CAGE1: variants seen among roughly 807,000 people sequenced by gnomAD.
CAGE1 encodes the protein cancer antigen 1.
A neutral mutation model predicts 94.9 loss-of-function variants in CAGE1; 66 were observed. That is an observed-to-expected ratio of 0.70 (90% CI 0.57 to 0.85). The LOEUF is 0.85. Among genes scored for constraint, CAGE1 ranks in the 40% least tolerant of loss-of-function variants. The pLI, the probability that CAGE1 is intolerant of heterozygous loss-of-function variation, is 0.00. For missense variants in CAGE1, 865 were observed against 950.4 expected (o/e 0.91, Z 1.18); for synonymous variants, 319 against 321.0 (o/e 0.99, Z 0.07).
rs372276847 is a variant in CAGE1, at chr6:7,386,996, T to G, written c.178A>C (p.Thr60Pro). 3 of 1,551,480 alleles carry G rather than the reference T, an allele frequency of 1.9e-6. No individual in the cohort carries two copies. In the African/African-American group the frequency reaches 4.1e-5, roughly 21 times the overall value. The change falls in exon 2 of 14, where the codon ACT becomes CCT. Residue 60 changes from threonine (T) to proline (P), a missense_variant. Coordinates refer to ENST00000502583, the MANE Select transcript of CAGE1 (RefSeq NM_001170692.2). ...SPICMETTGT[T>P]CDLPQNEIKN... ...ATGCACACCTGAGGCAAGTCACAAG[T>G]GGTGCCGGTGGTTTCCATACAGATT...
intron 4 of CAGE1, among the ~76,000 whole-genome samples, chr6:7,377,096 GTGAT>G (rs562576879): frequency 1.6e-3 from 237 of 152,188 alleles, no homozygotes; most frequent in African/African-American, 4.4e-3. Context: ...ATTTATTTGT[GTGAT>G]TGATTAATGA....
chr6:7,381,770 C>G (rs992215264), intron 3 of CAGE1, among the ~76,000 whole-genome samples: 4 of 151,896 alleles, frequency 2.6e-5, no homozygotes, highest in Admixed American at 2.0e-4. Flanking sequence ...CTCATGTGAT[C>G]TGCCCACCTC....
chr6:7,345,471 A>G (rs542874696), intron 11 of CAGE1, among the ~76,000 whole-genome samples: 114 of 152,354 alleles, frequency 7.5e-4, no homozygotes, highest in Middle Eastern at 3.4e-3. Context: ...GCCCAAGTCC[A>G]GACACAAAAT....
At chr6:7,381,534 G>GA (rs1404307177) in intron 3 of CAGE1, among the ~76,000 whole-genome samples, 1 of 128,822 alleles carries the variant, frequency 7.8e-6, no homozygotes, top group Non-Finnish European at 1.7e-5. Flanking sequence ...TCTATTACGT[G>GA]CCTTTTTTTT....
intron 11 of CAGE1, among the ~76,000 whole-genome samples, chr6:7,335,698 CT>C (rs1758930709): frequency 6.6e-6 from 1 of 152,214 alleles, no homozygotes; most frequent in Non-Finnish European, 1.5e-5. Flanking sequence ...TCTCAGCCTC[CT>C]GAGTAGCTAG....
chr6:7,380,412 G>A (rs1227039649), intron 3 of CAGE1, among the ~76,000 whole-genome samples: 1 of 152,098 alleles, frequency 6.6e-6, no homozygotes, highest in Non-Finnish European at 1.5e-5. Flanking sequence ...TGAGGTGGGT[G>A]GATCACCTGA....
intron 7 of CAGE1, among the ~76,000 whole-genome samples, chr6:7,366,093 A>C (rs1343251940): frequency 1.3e-5 from 2 of 152,192 alleles, no homozygotes; most frequent in East Asian, 3.9e-4. Context: ...TAAAAATACC[A>C]AAATTATCCG....
chr6:7,373,217 C>A lies in CAGE1; in HGVS notation c.1602G>T (p.Gln534His), dbSNP rs1221371677. Residue 534 changes from glutamine to histidine, a missense_variant, in exon 5 of 14, where the codon CAG becomes CAT. Physicochemically the swap from Gln to His is conservative, Grantham distance 24. Transcript: ENST00000502583. ...CATTTTTTACTTCGTTGATTTGCTG[C>A]TGAAGTTTTATATTCTTCGTTCTTT... is the stretch of plus-strand genomic sequence containing the variant. Reference protein sequence around the residue: ...ENERTKNIKLQQQINEVKNEN... With the variant: ...ENERTKNIKLHQQINEVKNEN... The A allele has an allele frequency of 6.2e-7, 1 of 1,611,398 alleles. No individual in the cohort carries two copies. The highest frequency in any genetic ancestry group is 1.3e-5 in the African/African-American group (1 of 74,916).
At chr6:7,327,932 A>AAAATAAATAAATAAAT (rs56109246) in intron 13 of CAGE1, among the ~76,000 whole-genome samples, 1,812 of 149,640 alleles carry the variant, frequency 0.012, 8 homozygotes, top group Middle Eastern at 0.021. Flanking sequence ...CTCCGTCTAA[A>AAAATAAATAAATAAAT]AAATAAATAA....
intron 11 of CAGE1, among the ~76,000 whole-genome samples, chr6:7,345,583 CTA>C (rs971514470): frequency 6.6e-6 from 1 of 152,170 alleles, no homozygotes; most frequent in Non-Finnish European, 1.5e-5. Context: ...AACAATGTCA[CTA>C]ATAGCTTTCA....
At chr6:7,353,861 A>G (rs531629102) in intron 11 of CAGE1, among the ~76,000 whole-genome samples, 125 of 152,214 alleles carry the variant, frequency 8.2e-4, no homozygotes, top group Non-Finnish European at 1.6e-3. Flanking sequence ...CAAACATCGT[A>G]TGTTCTCACT....
At chr6:7,351,434 C>T (rs910308110) in intron 11 of CAGE1, among the ~76,000 whole-genome samples, 1 of 151,746 alleles carries the variant, frequency 6.6e-6, no homozygotes, top group Non-Finnish European at 1.5e-5. Flanking sequence ...GAAAACCCTC[C>T]ATAATTCATT....
In CAGE1 at chr6:7,365,454, A is replaced by T; in HGVS notation, c.2193+14T>A. ...TATAAAAATAATAGCAAGGTAAAAA[A>T]AGGTCTTTCTTACCAAGAAATCAAG... On this transcript the variant is annotated intron_variant, in intron 9 of 13. Transcript: ENST00000502583. The T allele has an allele frequency of 6.2e-7, 1 of 1,604,246 alleles. No homozygotes were observed. The highest frequency in any genetic ancestry group is 8.5e-7 in the Non-Finnish European group (1 of 1,174,390).
At chr6:7,367,415 CAGGTG>C (rs1760383597) in intron 7 of CAGE1, among the ~76,000 whole-genome samples, 1 of 151,876 alleles carries the variant, frequency 6.6e-6, no homozygotes, top group South Asian at 2.1e-4. Flanking sequence ...AGCTAGGACA[CAGGTG>C]TGTGCCACCA....
At chr6:7,352,011 T>G (rs1188715127) in intron 11 of CAGE1, among the ~76,000 whole-genome samples, 1 of 136,592 alleles carries the variant, frequency 7.3e-6, no homozygotes, top group Non-Finnish European at 1.6e-5. Context: ...CTCTTCAACA[T>G]AGTACTGGAA....
chr6:7,373,772 C>T lies in CAGE1; in HGVS notation c.1047G>A (p.Val349=). The T allele has an allele frequency of 6.2e-7, 1 of 1,613,634 alleles. No homozygotes were observed. The highest frequency in any genetic ancestry group is 8.5e-7 in the Non-Finnish European group (1 of 1,179,662). ...ELQMKITKQQ[V]FIDVINKLKE... ...TTAGCTTATTGATGACATCAATGAA[C>T]ACTTGCTGTTTGGTAATCTTCATCT... The change falls in exon 5 of 14, where the codon GTG becomes GTA. Residue 349 remains valine, a synonymous_variant. Coordinates refer to ENST00000502583, the MANE Select transcript of CAGE1 (RefSeq NM_001170692.2).
rs140284720 is a variant in CAGE1, at chr6:7,361,481, C to CTG, written c.2193+3985_2193+3986dup. Among the ~76,000 whole-genome samples the CTG allele has an allele frequency of 8.7e-4, 132 of 151,726 alleles. 1 individual carries two copies. The highest frequency in any genetic ancestry group is 1.9e-3 in the African/African-American group (77 of 41,406). On this transcript the variant is annotated intron_variant, in intron 9 of 13. Transcript: ENST00000502583. ...AGAATTTTAAAACCCAATGTTTTAG[C>CTG]TGTGTGTGTGTGTGCATATAAGTAT...
At chr6:7,386,826 A>C (rs905787854) in intron 2 of CAGE1, among the ~76,000 whole-genome samples, 153 bp downstream of exon 2, 1 of 152,200 alleles carries the variant, frequency 6.6e-6, no homozygotes, top group African/African-American at 2.4e-5. Context: ...TACGCTAGCG[A>C]AACTGGGAAA....
intron 2 of CAGE1, 34 bp from the exon 3 acceptor site, chr6:7,385,906 C>G (rs1185705399): frequency 2.7e-6 from 3 of 1,112,994 alleles, no homozygotes; most frequent in African/African-American, 1.6e-5. Flanking sequence ...ATACTTCAAG[C>G]AAACATCACA....
Sources: gnomAD v4.1 joint callset for allele counts (sites outside exome capture counted in the v4.1 genomes callset) on GRCh38, gnomAD v4.1.1 for gene constraint, MANE v1.5 for transcripts, NCBI Gene and HGNC (gene_info 2026-07-23, HGNC 2026-07-21) for gene names.